The following PARD3B variants were observed in gnomAD, a reference collection of about 807,000 sequenced individuals.
The protein encoded by PARD3B is partitioning defective 3 homolog B.
In PARD3B, 103 loss-of-function variants were observed where a neutral mutation model predicts 130.2. The ratio of observed to expected loss-of-function variants is 0.79; its 90% CI spans 0.67 to 0.93. The LOEUF is 0.93. PARD3B is among the 40% of genes least tolerant of loss of function. The pLI, the probability that PARD3B is intolerant of heterozygous loss-of-function variation, is 0.00. For missense variants in PARD3B, 1,609 were observed against 1,499.2 expected (o/e 1.07, Z -1.21); for synonymous variants, 583 against 553.2 (o/e 1.05, Z -0.76).
At chr2:204,693,887 T>C (rs547099084) in intron 2 of PARD3B, among the ~76,000 whole-genome samples, 5 of 152,176 alleles carry the variant, frequency 3.3e-5, no homozygotes, top group South Asian at 4.1e-4. Context: ...ATTAGCTCCA[T>C]GAGGAGGGGG....
chr2:204,835,810 G>A lies in PARD3B; in HGVS notation c.223-129342G>A, dbSNP rs186938618. On this transcript the variant is annotated intron_variant, in intron 2 of 22. Transcript: ENST00000406610. ...TGTTCAAGACTTCATTATAAAATAG[G>A]TTTTGTGTTAAATGATTGTGTCCAA... is the stretch of plus-strand genomic sequence containing the variant. Among the ~76,000 whole-genome samples, 33 of 152,308 alleles carry A rather than the reference G, an allele frequency of 2.2e-4. No homozygotes were observed. In the East Asian group the frequency reaches 4.4e-3, roughly 20 times the overall value.
At chr2:204,702,378 T>C (rs902233076) in intron 2 of PARD3B, among the ~76,000 whole-genome samples, 1 of 152,162 alleles carries the variant, frequency 6.6e-6, no homozygotes, top group Admixed American at 6.6e-5. Flanking sequence ...TTAAGTGTGC[T>C]CTTTTCTTTG....
At chr2:204,911,336 C>A (rs564359789) in intron 2 of PARD3B, among the ~76,000 whole-genome samples, 1 of 152,258 alleles carries the variant, frequency 6.6e-6, no homozygotes, top group African/African-American at 2.4e-5. Flanking sequence ...TGCTTGGGAG[C>A]AGCCATTATC....
intron 18 of PARD3B, among the ~76,000 whole-genome samples, chr2:205,363,612 C>T (rs2044478999): frequency 6.6e-6 from 1 of 152,006 alleles, no homozygotes; most frequent in South Asian, 2.1e-4. Context: ...AGAGAAAAAC[C>T]GAGGAGTAAC....
chr2:205,066,085 G>C (rs115200073), intron 4 of PARD3B, among the ~76,000 whole-genome samples: 1 of 152,078 alleles, frequency 6.6e-6, no homozygotes, highest in African/African-American at 2.4e-5. Flanking sequence ...ACTCTCTCGG[G>C]TCTGGGAAAG....
At chr2:205,597,063 G>A (rs1430594453) in intron 22 of PARD3B, among the ~76,000 whole-genome samples, 2 of 151,308 alleles carry the variant, frequency 1.3e-5, no homozygotes, top group Admixed American at 1.3e-4. Flanking sequence ...TTTATTATAG[G>A]TTCAGGGAGT....
chr2:205,145,981 C>T (rs1559483131), intron 10 of PARD3B, among the ~76,000 whole-genome samples: 1 of 152,170 alleles, frequency 6.6e-6, no homozygotes, highest in African/African-American at 2.4e-5. Flanking sequence ...GTTTCTGAAG[C>T]CAGCCCTAAA....
intron 2 of PARD3B, among the ~76,000 whole-genome samples, chr2:204,778,525 T>C (rs17638223): frequency 0.045 from 6,733 of 149,714 alleles, 214 homozygotes; most frequent in East Asian, 0.16. Context: ...TTTTGCCAGG[T>C]GGTTGTACAT....
At chr2:204,951,763 G>T (rs1229043088) in intron 2 of PARD3B, among the ~76,000 whole-genome samples, 1 of 152,172 alleles carries the variant, frequency 6.6e-6, no homozygotes, top group African/African-American at 2.4e-5. Context: ...AATGTGGTTA[G>T]AAAGCAAGCA....
chr2:204,904,741 G>A lies in PARD3B; in HGVS notation c.223-60411G>A, dbSNP rs187134112. On this transcript the variant is annotated intron_variant, in intron 2 of 22. Transcript: ENST00000406610. ...TTTTTTATAATTTTCCATTAAGAGT[G>A]GGATGTTAAATATGTTCTCTACTTT... Among the ~76,000 whole-genome samples the A allele has an allele frequency of 1.8e-3, 272 of 151,776 alleles. 3 individuals are homozygous for A. Among genetic ancestry groups the A allele is most frequent in the Middle Eastern group, 0.017 (5 of 294 alleles).
intron 2 of PARD3B, among the ~76,000 whole-genome samples, chr2:204,929,545 A>G (rs1559269637): frequency 1.3e-5 from 2 of 152,130 alleles, no homozygotes; most frequent in South Asian, 2.1e-4. Flanking sequence ...TTAAATTTTT[A>G]TGAGGAATTT....
At chr2:204,981,813 T>G (rs1352753584) in intron 3 of PARD3B, among the ~76,000 whole-genome samples, 1 of 152,120 alleles carries the variant, frequency 6.6e-6, no homozygotes, top group East Asian at 1.9e-4. Context: ...AGTCTAATGT[T>G]AAACAGGGTG....
At chr2:204,849,205 G>C (rs576693424) in intron 2 of PARD3B, among the ~76,000 whole-genome samples, 2 of 152,222 alleles carry the variant, frequency 1.3e-5, no homozygotes, top group South Asian at 4.1e-4. Flanking sequence ...AGAATAATTA[G>C]AGTGCTGTCA....
chr2:205,045,492 C>G (rs1027030148), intron 3 of PARD3B, among the ~76,000 whole-genome samples: 5 of 152,024 alleles, frequency 3.3e-5, no homozygotes, highest in African/African-American at 1.2e-4. Context: ...CAGTGATCCA[C>G]TTGCCTCGGC....
chr2:205,185,883 T>C lies in PARD3B; in HGVS notation c.2024+20T>C. ...CCACAGGTATTGATAAAATGATGTATCGTAAATGCTCCTTGTTATTGTTTT... is the reference window on the plus strand; with the variant it reads ...CCACAGGTATTGATAAAATGATGTACCGTAAATGCTCCTTGTTATTGTTTT... On this transcript the variant is annotated intron_variant, in intron 14 of 22. Transcript: ENST00000406610. 6.4e-7 allele frequency: 1 copy of C among 1,573,096 alleles called. No individual in the cohort carries two copies. Among genetic ancestry groups the C allele is most frequent in the Non-Finnish European group, 8.8e-7 (1 of 1,142,650 alleles).
rs115532400 is a variant in PARD3B, at chr2:205,591,341, C to T, written c.3261-24115C>T. Among the ~76,000 whole-genome samples, 900 of 152,208 alleles carry T rather than the reference C, an allele frequency of 5.9e-3. 12 individuals carry two copies. The highest frequency in any genetic ancestry group is 0.021 in the African/African-American group (867 of 41,530). ...AGATTTTTGGAGGAGAAATAAGCCTCTAAACATATTTGAATATTTGAAAGA... is the reference window on the plus strand; with the variant it reads ...AGATTTTTGGAGGAGAAATAAGCCTTTAAACATATTTGAATATTTGAAAGA... On this transcript the variant is annotated intron_variant, in intron 22 of 22. Transcript: ENST00000406610. This position sits in a 1 kb window ranked among gnomAD's most constrained non-coding sequence, Gnocchi z 4.2.
chr2:205,367,390 A>G (rs181678186), intron 18 of PARD3B, among the ~76,000 whole-genome samples: 2 of 152,284 alleles, frequency 1.3e-5, no homozygotes, highest in South Asian at 2.1e-4. Flanking sequence ...ATAGGTTTAA[A>G]CTAAAGCATG....
chr2:205,005,733 AC>A (rs1457788989), intron 3 of PARD3B, among the ~76,000 whole-genome samples: 1 of 152,176 alleles, frequency 6.6e-6, no homozygotes, highest in African/African-American at 2.4e-5. Context: ...AAAATTAATA[AC>A]CCCCACCAAA....
At chr2:205,429,115 G>T (rs1333903897) in intron 19 of PARD3B, among the ~76,000 whole-genome samples, 1 of 152,124 alleles carries the variant, frequency 6.6e-6, no homozygotes, top group Non-Finnish European at 1.5e-5. Context: ...AAAGTATAAG[G>T]AATGCAATTG....
Sources: allele counts gnomAD v4.1 joint callset (sites outside exome capture counted in the v4.1 genomes callset), GRCh38; gene constraint gnomAD v4.1.1; non-coding constraint Gnocchi (gnomAD v3.1); transcripts MANE v1.5; gene names NCBI Gene and HGNC (gene_info 2026-07-23, HGNC 2026-07-21).